The following DIAPH2 variants were observed in gnomAD, a reference collection of about 807,000 sequenced individuals.
DIAPH2 encodes protein diaphanous homolog 2.
Under a neutral mutation model 92.7 loss-of-function variants are expected in DIAPH2, and 35 were observed. The observed-to-expected ratio is 0.38, with a 90% confidence interval of 0.29 to 0.50. The LOEUF (loss-of-function observed/expected upper bound fraction) is 0.50, where lower values mean the gene tolerates loss of function less well. Among genes scored for constraint, DIAPH2 ranks in the 20% least tolerant of loss-of-function variants. The pLI is 0.94. For synonymous variants in DIAPH2, 301 were observed against 280.4 expected (o/e 1.07, Z -0.73); for missense variants, 701 against 819.5 (o/e 0.86, Z 1.77).
chrX:97,493,410 C>T (rs746808931), intron 26 of DIAPH2, among the ~76,000 whole-genome samples: 5 of 110,344 alleles, frequency 4.5e-5, no homozygotes, highest in South Asian at 7.9e-4. Context: ...TACAGGCATG[C>T]GCCACCATGC....
intron 24 of DIAPH2, among the ~76,000 whole-genome samples, chrX:97,366,602 T>C (rs1479378184): frequency 1.8e-5 from 2 of 112,043 alleles, no homozygotes; most frequent in Non-Finnish European, 3.8e-5. Flanking sequence ...TATTTATCCA[T>C]AGCCAGCAGA....
chrX:96,889,373 T>C (rs919092993), intron 5 of DIAPH2, among the ~76,000 whole-genome samples: 3 of 111,899 alleles, frequency 2.7e-5, no homozygotes, highest in African/African-American at 9.7e-5. Flanking sequence ...TTCTTTGCCC[T>C]ATCCATTGTG....
chrX:96,743,680 G>T (rs2064132877), intron 3 of DIAPH2, among the ~76,000 whole-genome samples: 2 of 111,660 alleles, frequency 1.8e-5, no homozygotes, highest in African/African-American at 6.5e-5. Flanking sequence ...GGTTACCAGG[G>T]GCTAGGGTAA....
At chrX:97,274,728 A>G (rs1185553915) in intron 23 of DIAPH2, among the ~76,000 whole-genome samples, 1 of 106,865 alleles carries the variant, frequency 9.4e-6, no homozygotes, top group Admixed American at 1.0e-4. Flanking sequence ...TAGTGGAGGG[A>G]AGGTCAGCAG....
At position 97,579,472 on chromosome X, in the gene DIAPH2, A is replaced by G. The variant is rs2071422837; in HGVS notation, c.3242-19781A>G. On this transcript the variant is annotated intron_variant, in intron 26 of 26. Transcript: ENST00000324765. Reference sequence around the variant, plus strand: ...TTCTCAGGTTTGTCAAAGATCAGATAGTTGTAGATAGGCGGCGTTATTTCT... The same window carrying G: ...TTCTCAGGTTTGTCAAAGATCAGATGGTTGTAGATAGGCGGCGTTATTTCT... Among the ~76,000 whole-genome samples the G allele has an allele frequency of 3.6e-5, 4 of 111,257 alleles. No homozygotes were observed. The Admixed American group carries it at 3.8e-4, about 11-fold the overall frequency.
chrX:97,282,295 G>A (rs370089237), intron 23 of DIAPH2, among the ~76,000 whole-genome samples: 5 of 111,214 alleles, frequency 4.5e-5, no homozygotes, highest in African/African-American at 6.5e-5. Flanking sequence ...TTTGTTTTGC[G>A]TTGTTTTGTT....
intron 20 of DIAPH2, among the ~76,000 whole-genome samples, chrX:97,101,932 T>C (rs2066908489): frequency 8.9e-6 from 1 of 112,404 alleles, no homozygotes; most frequent in African/African-American, 3.2e-5. Flanking sequence ...GAGGACAGTT[T>C]TGGAAATTGT....
In DIAPH2 at chrX:96,884,245, A is replaced by G. The variant is rs2065241426; in HGVS notation, c.587+2527A>G. Reference sequence around the variant, plus strand: ...GCTCGAAGCCTTCTGTGGAGAACTCAAAGCCGTCCGTGGAGCCCCAGACGA... The same window carrying G: ...GCTCGAAGCCTTCTGTGGAGAACTCGAAGCCGTCCGTGGAGCCCCAGACGA... On this transcript the variant is annotated intron_variant, in intron 5 of 26. Transcript: ENST00000324765. 3 of 1,034,699 alleles carry G rather than the reference A, an allele frequency of 2.9e-6. No individual in the cohort carries two copies. In the Admixed American group the frequency reaches 8.0e-5, roughly 28 times the overall value. 85.3% of individuals were successfully genotyped at this position (1,034,699 alleles called of 1,213,427 possible).
intron 23 of DIAPH2, among the ~76,000 whole-genome samples, chrX:97,308,730 C>A (rs1471206955): frequency 9.6e-6 from 1 of 104,405 alleles, no homozygotes; most frequent in Non-Finnish European, 2.0e-5. Context: ...ACACCATTCT[C>A]CTGCCTCAGC....
intron 26 of DIAPH2, among the ~76,000 whole-genome samples, chrX:97,549,977 T>C (rs1368907984): frequency 8.9e-6 from 1 of 112,943 alleles, no homozygotes; most frequent in African/African-American, 3.2e-5. Context: ...TGTTTTAAAA[T>C]AAAGGCTTCT....
chrX:97,365,813 T>G (rs1354433706), intron 24 of DIAPH2, among the ~76,000 whole-genome samples: 1 of 109,041 alleles, frequency 9.2e-6, no homozygotes, highest in African/African-American at 3.3e-5. Flanking sequence ...TCAGTTCTCC[T>G]GCCCCAGCCT....
chrX:97,011,844 A>G (rs1266271091), intron 17 of DIAPH2, among the ~76,000 whole-genome samples: 1 of 94,525 alleles, frequency 1.1e-5, no homozygotes, highest in Non-Finnish European at 2.1e-5. Context: ...GTGAGCCGAG[A>G]TCGCATCACT....
chrX:97,163,724 G>T (rs1480066225), intron 22 of DIAPH2, among the ~76,000 whole-genome samples: 1 of 111,754 alleles, frequency 8.9e-6, no homozygotes, highest in African/African-American at 3.3e-5. Flanking sequence ...TCTTCCCTAT[G>T]CAGATATTAA....
intron 20 of DIAPH2, among the ~76,000 whole-genome samples, chrX:97,104,040 A>G (rs1031514940): frequency 9.0e-6 from 1 of 111,514 alleles, no homozygotes; most frequent in African/African-American, 3.3e-5. Flanking sequence ...TCAGAAATAG[A>G]TCTTCCTACT....
chrX:97,193,506 G>A (rs925215567), intron 22 of DIAPH2, among the ~76,000 whole-genome samples: 19 of 111,199 alleles, frequency 1.7e-4, no homozygotes, highest in African/African-American at 6.2e-4. Context: ...AGGTACATTT[G>A]TCTTGCCAAA....
chrX:97,097,569 G>A (rs1359888822), intron 19 of DIAPH2, among the ~76,000 whole-genome samples: 1 of 111,984 alleles, frequency 8.9e-6, no homozygotes, highest in Non-Finnish European at 1.9e-5. Flanking sequence ...CACATTCCAA[G>A]CTAAAATTAT....
chrX:97,132,667 T>C (rs754459431), intron 21 of DIAPH2, among the ~76,000 whole-genome samples: 5 of 111,623 alleles, frequency 4.5e-5, no homozygotes, highest in Admixed American at 9.6e-5. Context: ...ATTGCTTAAA[T>C]ATTAACTGTT....
chrX:96,752,166 T>C (rs1171366655), intron 3 of DIAPH2, among the ~76,000 whole-genome samples: 1 of 111,693 alleles, frequency 9.0e-6, no homozygotes, highest in Non-Finnish European at 1.9e-5. Flanking sequence ...ATTATGGATC[T>C]GGAGTTAATG....
Position 97,144,620 on chromosome X carries a change from G to A in DIAPH2, c.2719+2826G>A, listed in dbSNP as rs865897743. On this transcript the variant is annotated intron_variant, in intron 22 of 26. Coordinates refer to ENST00000324765, the MANE Select transcript of DIAPH2 (RefSeq NM_006729.5). ...AGATATTTATATATGTGTATATAGC[G>A]TGTATATATATATATATATTTTATA... 0.018 allele frequency among the ~76,000 whole-genome samples: 135 copies of A among 7,563 alleles called. No individual in the cohort carries two copies. The South Asian group carries it at 0.5, about 28-fold the overall frequency. The allele number at this position is 7,563 out of a possible 115,157, so 6.6% of individuals were successfully genotyped here.
Sources: gnomAD v4.1 joint callset for allele counts (sites outside exome capture counted in the v4.1 genomes callset) on GRCh38, gnomAD v4.1.1 for gene constraint, MANE v1.5 for transcripts, NCBI Gene and HGNC (gene_info 2026-07-23, HGNC 2026-07-21) for gene names.